BRWD3: variants seen among roughly 807,000 people sequenced by gnomAD.
BRWD3 encodes bromodomain and WD repeat domain containing 3.
Under a neutral mutation model 149.7 loss-of-function variants are expected in BRWD3, and 10 were observed. The observed-to-expected ratio is 0.07, with a 90% CI of 0.04 to 0.11. The LOEUF is 0.11. Ranked by LOEUF, BRWD3 falls within the 10% of genes least tolerant of loss-of-function variation. BRWD3 has a pLI of 1.00. For missense variants in BRWD3, 940 were observed against 1,373.2 expected, an observed-to-expected ratio of 0.68 and a Z score of 4.99; for synonymous variants, 504 against 456.7, an observed-to-expected ratio of 1.10 and a Z score of -1.32.
At chrX:80,704,412 T>A (rs1451603177) in intron 23 of BRWD3, among the ~76,000 whole-genome samples, 1 of 112,124 alleles carries the variant, frequency 8.9e-6, no homozygotes, top group Non-Finnish European at 1.9e-5. Context: ...GCTAAGACAG[T>A]AGTTTATTTT....
intron 20 of BRWD3, chrX:80,710,637 C>G (rs898473808): frequency 1.7e-6 from 1 of 604,442 alleles, no homozygotes; most frequent in African/African-American, 2.2e-5. Flanking sequence ...AGAAAGGCCA[C>G]AGAGAAAGGC....
intron 24 of BRWD3, 74 bp downstream of exon 24, chrX:80,703,406 T>C (rs1463835843): frequency 3.3e-6 from 2 of 606,926 alleles, no homozygotes; most frequent in East Asian, 3.6e-5. Flanking sequence ...ATTAGGAATA[T>C]AAATATATTC....
chrX:80,678,879 T>G (rs958949628), intron 40 of BRWD3, among the ~76,000 whole-genome samples: 1 of 111,331 alleles, frequency 9.0e-6, no homozygotes, highest in African/African-American at 3.3e-5. Context: ...AGTTGGAGAT[T>G]AGGGCATTTA....
chrX:80,670,049 A>C lies in BRWD3; in HGVS notation c.*6560T>G, dbSNP rs2072311127. On this transcript the variant is annotated 3_prime_UTR_variant, in exon 41 of 41. Transcript: ENST00000373275. ...ATTTTATAATTATAATTAGATGTTT[A>C]TAATCTGTAGATAAGAACTTCATTA... is the stretch of plus-strand genomic sequence containing the variant. 1.8e-5 allele frequency among the ~76,000 whole-genome samples: 2 copies of C among 111,315 alleles called. No homozygotes were observed. The highest frequency in any genetic ancestry group is 7.4e-4 in the South Asian group (2 of 2,712).
intron 8 of BRWD3, among the ~76,000 whole-genome samples, chrX:80,737,560 C>T (rs1392925418): frequency 8.9e-6 from 1 of 112,050 alleles, no homozygotes; most frequent in Admixed American, 9.4e-5. Context: ...TCTGGCTGGG[C>T]GCAGTGGCTC....
rs2072605207 is a variant in BRWD3 at position 80,691,054 on chromosome X, T to G, written c.3601A>C (p.Arg1201=). Residue 1201 remains arginine, a splice_region_variant and synonymous_variant, in exon 31 of 41, where the codon AGG becomes CGG. Coordinates refer to ENST00000373275, the MANE Select transcript of BRWD3 (RefSeq NM_153252.5). ...ATAAGTGATTAAAAAAAAACAGACC[T>G]GTAAAAGCGATTTTCAAGTCTCCGC... ...IRRRLENRFY[R]RISALMWEVR... 2 of 1,202,890 alleles carry G rather than the reference T, an allele frequency of 1.7e-6. No individual in the cohort carries two copies. The highest frequency in any genetic ancestry group is 3.6e-5 in the African/African-American group (2 of 55,819).
chrX:80,712,229 G>A (rs1190539130), intron 20 of BRWD3, among the ~76,000 whole-genome samples: 2 of 111,223 alleles, frequency 1.8e-5, no homozygotes, highest in African/African-American at 6.5e-5. Context: ...CTGCCATCTC[G>A]GCTCACTGCA....
chrX:80,788,804 A>G (rs145697172), intron 6 of BRWD3, among the ~76,000 whole-genome samples: 2 of 112,282 alleles, frequency 1.8e-5, no homozygotes, highest in African/African-American at 6.5e-5. Context: ...GACACGCATG[A>G]ATTTCAAAAG....
chrX:80,676,800 G>A lies in BRWD3; in HGVS notation c.5218C>T (p.Arg1740Cys), dbSNP rs766205093. 4 of 1,208,892 alleles carry A rather than the reference G, an allele frequency of 3.3e-6. No individual in the cohort carries two copies. Among genetic ancestry groups the A allele is most frequent in the South Asian group, 1.8e-5 (1 of 56,767 alleles). The change falls in exon 41 of 41, where the codon CGT (arginine) becomes TGT (cysteine). Residue 1740 changes from arginine (R) to cysteine (C), a missense_variant. Physicochemically the swap from Arg to Cys is radical, Grantham distance 180 (BLOSUM62 -3). Around this residue, in one of 6 missense-constraint regions of BRWD3, gnomAD observed 349 missense variants for 419.6 expected, o/e 0.83. Coordinates refer to ENST00000373275, the MANE Select transcript of BRWD3 (RefSeq NM_153252.5). ...TTAATTCGAGGCAGTCTACTGAAAC[G>A]TCCTGAAAACATGGTATCAAATTCA... ...DDEFDTMFSGRFSRLPRIKTR... is the reference protein window; with the variant it reads ...DDEFDTMFSGCFSRLPRIKTR...
Position 80,676,055 on chromosome X carries a change from G to C in BRWD3, c.*554C>G, listed in dbSNP as rs2072362503. The C allele has an allele frequency of 8.8e-6, 1 of 113,534 alleles. No individual in the cohort carries two copies. Among genetic ancestry groups the C allele is most frequent in the African/African-American group, 3.3e-5 (1 of 30,243 alleles). 9.4% of individuals were successfully genotyped at this position (113,534 alleles called of 1,213,427 possible). A position where few individuals can be genotyped will look rare whatever the true frequency, so the allele number is the denominator to read the frequency against. ...AGTACAAGTCATGAAAGTTTGGCCT[G>C]GGAAGAGTAAAATAATCCAGATCGC... On this transcript the variant is annotated 3_prime_UTR_variant, in exon 41 of 41. Transcript: ENST00000373275.
intron 5 of BRWD3, among the ~76,000 whole-genome samples, chrX:80,792,354 G>C (rs2074190592): frequency 8.9e-6 from 1 of 111,952 alleles, no homozygotes; most frequent in African/African-American, 3.2e-5. Flanking sequence ...GAAAATTCAG[G>C]CATATTTATA....
intron 31 of BRWD3, among the ~76,000 whole-genome samples, chrX:80,690,764 C>T (rs551123213): frequency 1.8e-5 from 2 of 111,806 alleles, no homozygotes; most frequent in South Asian, 7.5e-4. Flanking sequence ...ACCTTAATAA[C>T]GATGAATCCA....
intron 40 of BRWD3, among the ~76,000 whole-genome samples, chrX:80,678,187 C>A (rs1157266298): frequency 1.8e-5 from 2 of 112,209 alleles, no homozygotes; most frequent in African/African-American, 3.2e-5. Flanking sequence ...TAAGACATGA[C>A]AAAGGATATG....
chrX:80,676,106 T>C lies in BRWD3; in HGVS notation c.*503A>G, dbSNP rs1320723996. 3 of 117,949 alleles carry C rather than the reference T, an allele frequency of 2.5e-5. No homozygotes were observed. Among genetic ancestry groups the C allele is most frequent in the Non-Finnish European group, 5.3e-5 (3 of 56,502 alleles). The allele number at this position is 117,949 out of a possible 1,213,427, so 9.7% of individuals were successfully genotyped here. ...TCTTACAATATAGAAACTGTAAACA[T>C]TTAATAGCTGCCTTTAGGATTGGTG... On this transcript the variant is annotated 3_prime_UTR_variant, in exon 41 of 41. Coordinates refer to ENST00000373275, the MANE Select transcript of BRWD3 (RefSeq NM_153252.5).
At chrX:80,780,639 A>T (rs745939473) in intron 6 of BRWD3, among the ~76,000 whole-genome samples, 1 of 112,002 alleles carries the variant, frequency 8.9e-6, no homozygotes, top group African/African-American at 3.2e-5. Context: ...TGCAGGTGTG[A>T]CAAGAATCTC....
At position 80,809,321 on chromosome X, in the gene BRWD3, A is replaced by G. The variant is rs1178872086; in HGVS notation, c.32-17T>C. 11 of 1,181,998 alleles carry G rather than the reference A, an allele frequency of 9.3e-6. No individual in the cohort carries two copies. Among genetic ancestry groups the G allele is most frequent in the African/African-American group, 1.8e-5 (1 of 56,422 alleles). On this transcript the variant is annotated splice_polypyrimidine_tract_variant and intron_variant, in intron 1 of 40. Coordinates refer to ENST00000373275, the MANE Select transcript of BRWD3 (RefSeq NM_153252.5). ...AATACAGCTCTGGGGAAGAGGGGGG[A>G]AAAGAGGTTCAGAGGGAGGTAGAGA...
chrX:80,781,953 C>T (rs527758711), intron 6 of BRWD3, among the ~76,000 whole-genome samples: 20 of 111,598 alleles, frequency 1.8e-4, no homozygotes, highest in South Asian at 1.5e-3. Context: ...ACAGATTCAA[C>T]GCAATCCCGA....
At chrX:80,794,022 T>C (rs2074210366) in intron 4 of BRWD3, among the ~76,000 whole-genome samples, 1 of 109,487 alleles carries the variant, frequency 9.1e-6, no homozygotes, top group South Asian at 3.9e-4. Flanking sequence ...CCACTAAAAA[T>C]ACAAAATTAG....
intron 20 of BRWD3, among the ~76,000 whole-genome samples, chrX:80,714,002 A>G (rs906636974): frequency 1.8e-5 from 2 of 111,506 alleles, no homozygotes; most frequent in Non-Finnish European, 3.8e-5. Context: ...TTTTAAACCC[A>G]AATGTTTCTT....
Sources: gnomAD v4.1 joint callset for allele counts (sites outside exome capture counted in the v4.1 genomes callset) on GRCh38, gnomAD v4.1.1 for gene constraint, gnomAD v4.1.1 regional missense constraint, MANE v1.5 for transcripts, NCBI Gene and HGNC (gene_info 2026-07-23, HGNC 2026-07-21) for gene names.